The following TENM2 variants were observed in gnomAD, a reference collection of about 807,000 sequenced individuals.
The protein encoded by TENM2 is teneurin transmembrane protein 2.
TENM2 carries 52 observed loss-of-function variants against 245.2 expected under a neutral mutation model. The ratio of observed to expected loss-of-function variants is 0.21; its 90% CI spans 0.17 to 0.27. TENM2 has a LOEUF of 0.27. Ranked by LOEUF, TENM2 falls within the 10% of genes least tolerant of loss-of-function variation. The probability of loss-of-function intolerance (pLI) is 1.00; values close to 1 mark genes in which losing one functional copy is unlikely to be tolerated. For synonymous variants in TENM2, 1,363 were observed against 1,438.9 expected, an observed-to-expected ratio of 0.95 and a Z score of 1.19; for missense variants, 3,046 against 3,666.8, an observed-to-expected ratio of 0.83 and a Z score of 4.37.
chr5:167,992,876 A>T lies in TENM2; in HGVS notation c.948-68A>T, dbSNP rs1783772780. ...CTAGGACTAGATAGAGCAGAGTGGA[A>T]GAAAAATAGCTAAATGTTGCTCCTT... is the stretch of plus-strand genomic sequence containing the variant. On this transcript the variant is annotated intron_variant, in intron 4 of 28. Transcript: ENST00000518659. 3.1e-6 allele frequency: 4 copies of T among 1,275,896 alleles called. No individual in the cohort carries two copies. In the South Asian group the frequency reaches 4.9e-5, roughly 16 times the overall value. The allele number at this position is 1,275,896 out of a possible 1,614,324, so 79.0% of individuals were successfully genotyped here.
the TENM2 span, among the ~76,000 whole-genome samples, chr5:167,188,927 T>G: frequency 6.6e-6 from 1 of 152,192 alleles, no homozygotes; most frequent in Admixed American, 6.5e-5. Flanking sequence ...TTTTGTACAT[T>G]TTTGTGGATT....
chr5:168,173,644 CAT>C (rs1445015313), intron 13 of TENM2, among the ~76,000 whole-genome samples: 1 of 152,126 alleles, frequency 6.6e-6, no homozygotes, highest in East Asian at 1.9e-4. Context: ...ATCCAACAAA[CAT>C]ATACCAAGCC....
chr5:167,683,291 A>G (rs1448208343), intron 2 of TENM2, among the ~76,000 whole-genome samples: 1 of 151,958 alleles, frequency 6.6e-6, no homozygotes, highest in African/African-American at 2.4e-5. Flanking sequence ...TAAAAAGTCA[A>G]GAAAGTAGAT....
At chr5:168,021,319 C>A (rs1045522627) in intron 5 of TENM2, among the ~76,000 whole-genome samples, 2 of 152,220 alleles carry the variant, frequency 1.3e-5, no homozygotes, top group Non-Finnish European at 2.9e-5. Flanking sequence ...TACTGGATAA[C>A]TAACCAGCAG....
chr5:168,127,412 C>T (rs1025207233), intron 12 of TENM2, among the ~76,000 whole-genome samples: 2 of 152,134 alleles, frequency 1.3e-5, no homozygotes, highest in East Asian at 1.9e-4. Flanking sequence ...AGGTTCCCTC[C>T]GTAGCAGGTA....
chr5:167,869,718 G>T (rs1437487971), intron 2 of TENM2, among the ~76,000 whole-genome samples: 2 of 152,104 alleles, frequency 1.3e-5, no homozygotes, highest in Non-Finnish European at 1.5e-5. Context: ...GCTTGATGAA[G>T]AATATCTTGT....
At chr5:167,284,901 T>C in exon 1 of TENM2, 1 of 1,551,754 alleles carries the variant, frequency 6.4e-7, no homozygotes, top group Non-Finnish European at 8.7e-7. Flanking sequence ...AGAGTGTCGC[T>C]ACACAAGCTC....
At chr5:168,124,641 T>A (rs556842910) in intron 10 of TENM2, among the ~76,000 whole-genome samples, 1 of 152,258 alleles carries the variant, frequency 6.6e-6, no homozygotes, top group East Asian at 1.9e-4. Context: ...AAGTTTGAGA[T>A]TTGGTGTTTG....
chr5:167,290,371 C>A (rs1174593134), intron 1 of TENM2, among the ~76,000 whole-genome samples: 2 of 152,134 alleles, frequency 1.3e-5, no homozygotes, highest in Non-Finnish European at 2.9e-5. Flanking sequence ...TTATTTCTTA[C>A]AATTGTGTAT....
At chr5:168,240,903 C>G (rs1325121977) in intron 25 of TENM2, 1 of 152,090 alleles carries the variant, frequency 6.6e-6, no homozygotes, top group Non-Finnish European at 1.5e-5. Flanking sequence ...AAATCTGAAA[C>G]CCATAGGTTT....
the TENM2 span, among the ~76,000 whole-genome samples, chr5:167,174,891 A>G: frequency 6.7e-6 from 1 of 150,348 alleles, no homozygotes; most frequent in African/African-American, 2.4e-5. Flanking sequence ...TTTTTTTTTA[A>G]GATTCCACAT....
chr5:167,426,204 C>G (rs959137374), intron 2 of TENM2, among the ~76,000 whole-genome samples: 3 of 152,100 alleles, frequency 2.0e-5, no homozygotes. Context: ...TTTTTAAATG[C>G]ATGTTTTTCT....
chr5:167,929,067 A>AAGAAAGAAAGAAAGAAAGAAAGAAAGAG, intron 3 of TENM2, among the ~76,000 whole-genome samples: 1 of 12,484 alleles, frequency 8.0e-5, no homozygotes, highest in East Asian at 2.2e-3. Context: ...GAGAGAAAGA[A>AAGAAAGAAAGAAAGAAAGAAAGAAAGAG]AGAAAGAAAG....
intron 9 of TENM2, among the ~76,000 whole-genome samples, chr5:168,099,670 T>C (rs1793650029): frequency 1.3e-5 from 2 of 152,176 alleles, no homozygotes; most frequent in African/African-American, 4.8e-5. Flanking sequence ...AAATAGTGCC[T>C]CTCCTTTCCC....
rs148638589 is a variant in TENM2 at position 167,861,639 on chromosome 5, C to A, written c.503-14347C>A. 6.6e-3 allele frequency among the ~76,000 whole-genome samples: 1,005 copies of A among 152,312 alleles called. 4 individuals are homozygous for A. Among genetic ancestry groups the A allele is most frequent in the Middle Eastern group, 0.014 (4 of 294 alleles). ...CATGCAAACGCTGTGGCCATTGTGT[C>A]AGCATGGAAGAGCTGCCGGTTCCTT... On this transcript the variant is annotated intron_variant, in intron 2 of 28. Coordinates refer to ENST00000518659, the Ensembl canonical transcript of TENM2.
chr5:167,472,659 T>A (rs1767111456), intron 2 of TENM2, among the ~76,000 whole-genome samples: 1 of 152,182 alleles, frequency 6.6e-6, no homozygotes, highest in Non-Finnish European at 1.5e-5. Context: ...ATCTCTAGTG[T>A]TCCATTTATC....
chr5:167,422,757 C>T (rs1264254604), intron 2 of TENM2, among the ~76,000 whole-genome samples: 1 of 152,128 alleles, frequency 6.6e-6, no homozygotes, highest in African/African-American at 2.4e-5. Flanking sequence ...AATGCCTCCA[C>T]GTGAATCCTG....
intron 5 of TENM2, among the ~76,000 whole-genome samples, chr5:168,034,865 G>C (rs1787522135): frequency 6.6e-6 from 1 of 152,224 alleles, no homozygotes; most frequent in Admixed American, 6.5e-5. Flanking sequence ...GTCAGCCACA[G>C]TGGTCTAGGA....
intron 3 of TENM2, among the ~76,000 whole-genome samples, chr5:167,929,139 A>G (rs182867012): frequency 0.015 from 2,104 of 138,718 alleles, 62 homozygotes; most frequent in African/African-American, 0.051. Flanking sequence ...GAAAAGAAAG[A>G]AGGGAGGGAG....
Sources: gnomAD v4.1 joint callset for allele counts (sites outside exome capture counted in the v4.1 genomes callset) on GRCh38, gnomAD v4.1.1 for gene constraint, MANE v1.5 for transcripts, NCBI Gene and HGNC (gene_info 2026-07-23, HGNC 2026-07-21) for gene names.